SLC16A12: variants seen among roughly 807,000 people sequenced by gnomAD.
SLC16A12 encodes solute carrier family 16 member 12, also known as monocarboxylate transporter 12.
SLC16A12 carries 17 observed loss-of-function variants against 42.4 expected under a neutral mutation model. The ratio of observed to expected loss-of-function variants is 0.40; its 90% confidence interval spans 0.27 to 0.60. SLC16A12 has a LOEUF of 0.60. SLC16A12 is among the 20% of genes least tolerant of loss of function. The probability of loss-of-function intolerance (pLI) is 0.42; values close to 1 mark genes in which losing one functional copy is unlikely to be tolerated. For synonymous variants in SLC16A12, 224 were observed against 229.4 expected (o/e 0.98, Z 0.21); for missense variants, 544 against 623.0 (o/e 0.87, Z 1.35).
chr10:89,497,553 G>T (rs1386746659), intron 2 of SLC16A12, among the ~76,000 whole-genome samples: 1 of 152,060 alleles, frequency 6.6e-6, no homozygotes. Context: ...CATGGTGTGG[G>T]GGAAACAGCA....
intron 2 of SLC16A12, among the ~76,000 whole-genome samples, chr10:89,555,543 G>GTGTA (rs1843807086): frequency 8.2e-6 from 1 of 121,574 alleles, no homozygotes; most frequent in Admixed American, 8.0e-5. Flanking sequence ...ACGTATGTAT[G>GTGTA]TATATACGTA....
intron 2 of SLC16A12, among the ~76,000 whole-genome samples, chr10:89,530,355 G>A (rs929713401): frequency 6.6e-6 from 1 of 151,656 alleles, no homozygotes; most frequent in Admixed American, 6.6e-5. Context: ...TTTATAAATT[G>A]AGATAAAATT....
intron 2 of SLC16A12, among the ~76,000 whole-genome samples, chr10:89,526,127 C>T (rs373744356): frequency 6.6e-6 from 1 of 152,080 alleles, no homozygotes; most frequent in Non-Finnish European, 1.5e-5. Context: ...CCCCATCATG[C>T]TACCCCCCGC....
In SLC16A12 at chr10:89,431,516, G is replaced by A. The variant is rs1259184112; in HGVS notation, c.*1548C>T. ...AATCAAGGTATAGGCAAGCTCTCTT[G>A]CGGAGCATACACATTAACTCAGGAT... On this transcript the variant is annotated 3_prime_UTR_variant, in exon 8 of 8. Transcript: ENST00000371790. The A allele has an allele frequency of 1.3e-5, 2 of 152,162 alleles. No individual in the cohort carries two copies. The highest frequency in any genetic ancestry group is 6.5e-5 in the Admixed American group (1 of 15,270). 9.4% of individuals were successfully genotyped at this position (152,162 alleles called of 1,614,324 possible). A position where few individuals can be genotyped will look rare whatever the true frequency, so the allele number is the denominator to read the frequency against.
At chr10:89,434,817 C>T (rs2133676886) in intron 7 of SLC16A12, among the ~76,000 whole-genome samples, 1 of 152,318 alleles carries the variant, frequency 6.6e-6, no homozygotes, top group Middle Eastern at 3.4e-3. Context: ...ATGAGCATCA[C>T]AACAAAGCTG....
rs1415082346 is a variant in SLC16A12 at position 89,489,309 on chromosome 10, A to G, written c.-46-26685T>C. 2.6e-5 allele frequency among the ~76,000 whole-genome samples: 4 copies of G among 152,060 alleles called. 1 individual carries two copies. Among genetic ancestry groups the G allele is most frequent in the Admixed American group, 2.6e-4 (4 of 15,254 alleles). On this transcript the variant is annotated intron_variant, in intron 2 of 7. Transcript: ENST00000371790. ...TGCTGAGGATTATTCTTTATATACT[A>G]AAGATTTAAACTTATTTTACTTTAT... is the stretch of plus-strand genomic sequence containing the variant.
chr10:89,538,796 G>C (rs148432683), upstream of SLC16A12, among the ~76,000 whole-genome samples: 28 of 152,282 alleles, frequency 1.8e-4, no homozygotes, highest in African/African-American at 6.3e-4. Context: ...GAATGACAAA[G>C]ATTTTTTTCC....
At chr10:89,497,104 T>C (rs1842931040) in intron 2 of SLC16A12, among the ~76,000 whole-genome samples, 2 of 152,188 alleles carry the variant, frequency 1.3e-5, no homozygotes, top group Non-Finnish European at 2.9e-5. Flanking sequence ...CGTTCATCAG[T>C]TGTAATATGT....
intron 2 of SLC16A12, among the ~76,000 whole-genome samples, chr10:89,529,414 T>G (rs1375618136): frequency 6.6e-6 from 1 of 152,210 alleles, no homozygotes; most frequent in African/African-American, 2.4e-5. Flanking sequence ...AGTATTGGTA[T>G]AGTTAACACT....
At chr10:89,436,939 A>C (rs1265120980) in intron 6 of SLC16A12, among the ~76,000 whole-genome samples, 4 of 152,072 alleles carry the variant, frequency 2.6e-5, no homozygotes, top group African/African-American at 9.7e-5. Context: ...TAAATCTCAA[A>C]ATGTTGTAAG....
intron 2 of SLC16A12, among the ~76,000 whole-genome samples, chr10:89,491,861 A>C (rs1842852365): frequency 6.6e-6 from 1 of 152,214 alleles, no homozygotes; most frequent in Non-Finnish European, 1.5e-5. Flanking sequence ...TAGAAGTCGA[A>C]AAATAAAGCT....
chr10:89,515,676 A>G (rs573858196), intron 2 of SLC16A12, among the ~76,000 whole-genome samples: 1 of 152,168 alleles, frequency 6.6e-6, no homozygotes, highest in Non-Finnish European at 1.5e-5. Flanking sequence ...CAGTGTAGAA[A>G]GCCCTGCTTG....
chr10:89,497,152 C>T (rs1343518163), intron 2 of SLC16A12, among the ~76,000 whole-genome samples: 1 of 152,042 alleles, frequency 6.6e-6, no homozygotes. Flanking sequence ...ACAGGAAAAA[C>T]CAGAGAGTGG....
rs1368445893 is a variant in SLC16A12 at position 89,441,152 on chromosome 10, GC to G, written c.403del (p.Ala135ProfsTer4). ...ASTGLILSSF[A>X]TSLKHLYLTL... ...GAGGTAGAGATGCTTCAGACTCGTG[GC>G]AAATGAGCTCAGGATGAGTCCAGTA... is the stretch of plus-strand genomic sequence containing the variant. On this transcript the variant is annotated frameshift_variant, in exon 5 of 8. Transcript: ENST00000371790. LOFTEE classifies it high-confidence loss of function. 3.1e-6 allele frequency: 5 copies of G among 1,613,910 alleles called. No individual in the cohort carries two copies. The highest frequency in any genetic ancestry group is 4.2e-6 in the Non-Finnish European group (5 of 1,179,834).
At chr10:89,459,612 A>T (rs535470255) in intron 3 of SLC16A12, among the ~76,000 whole-genome samples, 3 of 152,126 alleles carry the variant, frequency 2.0e-5, no homozygotes, top group African/African-American at 7.2e-5. Flanking sequence ...AAACAAACAA[A>T]CTAGAATTCT....
chr10:89,492,630 C>A (rs1002129064), intron 2 of SLC16A12, among the ~76,000 whole-genome samples: 4 of 152,028 alleles, frequency 2.6e-5, no homozygotes, highest in African/African-American at 9.7e-5. Context: ...TGCGATGGTG[C>A]CGACATGGCA....
chr10:89,529,817 G>T (rs990674000), intron 2 of SLC16A12, among the ~76,000 whole-genome samples: 3 of 152,118 alleles, frequency 2.0e-5, no homozygotes, highest in Non-Finnish European at 4.4e-5. Flanking sequence ...CAAAGTGCTG[G>T]AATTACAGGC....
intron 2 of SLC16A12, among the ~76,000 whole-genome samples, chr10:89,487,932 A>G (rs1842784054): frequency 6.8e-6 from 1 of 146,596 alleles, no homozygotes; most frequent in Non-Finnish European, 1.5e-5. Flanking sequence ...GTCCATCAAC[A>G]GATGATTGGA....
Position 89,430,553 on chromosome 10 carries a change from T to C in SLC16A12, c.*2511A>G, listed in dbSNP as rs547140837. 16 of 422,626 alleles carry C rather than the reference T, an allele frequency of 3.8e-5. No homozygotes were observed. The highest frequency in any genetic ancestry group is 3.4e-4 in the African/African-American group (16 of 46,814). The allele number at this position is 422,626 out of a possible 1,614,324, so 26.2% of individuals were successfully genotyped here. A position where few individuals can be genotyped will look rare whatever the true frequency, so the allele number is the denominator to read the frequency against. On this transcript the variant is annotated 3_prime_UTR_variant, in exon 8 of 8. Coordinates refer to ENST00000371790, the MANE Select transcript of SLC16A12 (RefSeq NM_213606.4). The stretch of plus-strand genomic sequence containing the variant: ...GATTCCACAAAATACATCATTCCCA[T>C]GAATTTCTCAGTTTTGAAATAAACA...
Sources: gnomAD v4.1 joint callset for allele counts (sites outside exome capture counted in the v4.1 genomes callset) on GRCh38, gnomAD v4.1.1 for gene constraint, MANE v1.5 for transcripts, NCBI Gene and HGNC (gene_info 2026-07-23, HGNC 2026-07-21) for gene names.